The following IL17RB variants were observed in gnomAD, a reference collection of about 807,000 sequenced individuals.
IL17RB encodes the protein interleukin-17 receptor B.
In IL17RB, 36 loss-of-function variants were observed where a neutral mutation model predicts 43.9. That is an observed-to-expected ratio of 0.82 (90% confidence interval 0.63 to 1.08). IL17RB has a LOEUF of 1.08. Ranked by LOEUF, IL17RB falls within the 50% of genes least tolerant of loss-of-function variation. The pLI is 0.00. For missense variants in IL17RB, 613 were observed against 613.6 expected (o/e 1.00, Z 0.01); for synonymous variants, 225 against 225.4 (o/e 1.00, Z 0.02).
At chr3:53,864,124 A>G (rs917651576) in intron 10 of IL17RB, among the ~76,000 whole-genome samples, 1 of 152,192 alleles carries the variant, frequency 6.6e-6, no homozygotes, top group Non-Finnish European at 1.5e-5. Flanking sequence ...CACCTGGCCA[A>G]CAAAGTATCT....
intron 2 of IL17RB, 138 bp from the exon 3 acceptor site, chr3:53,849,517 A>C: frequency 1.6e-6 from 1 of 617,052 alleles, no homozygotes; most frequent in Non-Finnish European, 2.2e-6. Context: ...CTCTACAAAA[A>C]ACATTTTTTT....
chr3:53,852,249 G>C (rs3733072), intron 4 of IL17RB, 123 bp downstream of exon 4: 2 of 887,696 alleles, frequency 2.3e-6, no homozygotes, highest in Non-Finnish European at 3.5e-6. Context: ...TCAAGCGATC[G>C]TTCTACTTCA....
chr3:53,864,678 G>C, intron 10 of IL17RB, 68 bp from the exon 11 acceptor site: 1 of 1,173,980 alleles, frequency 8.5e-7, no homozygotes, highest in Non-Finnish European at 1.2e-6. Flanking sequence ...ATTTGTCAGG[G>C]ATGGTTTACA....
intron 9 of IL17RB, 71 bp downstream of exon 9, chr3:53,858,889 G>A: frequency 8.1e-7 from 1 of 1,241,562 alleles, no homozygotes; most frequent in Non-Finnish European, 1.2e-6. Flanking sequence ...CACTCAGTAT[G>A]TGGAAGGGTT....
At position 53,858,818 on chromosome 3, in the gene IL17RB, A is replaced by T. The variant is rs1056088555; in HGVS notation, c.847A>T (p.Asn283Tyr). 3 of 1,611,742 alleles carry T rather than the reference A, an allele frequency of 1.9e-6. No individual in the cohort carries two copies. The part of the protein sequence containing the change: ...QTGVPFPLDN[N>Y]KSKPGGWLPL... ...AGGCGTCCCTTTCCCTCTGGATAAC[A>T]GTAAGTGCCCAGTAACTTCAACCAG... is the stretch of plus-strand genomic sequence containing the variant. The change falls in exon 9 of 11, where the codon AAC (asparagine) becomes TAC (tyrosine). Residue 283 changes from asparagine (N) to tyrosine (Y), a missense_variant and splice_region_variant. Coordinates refer to ENST00000288167, the MANE Select transcript of IL17RB (RefSeq NM_018725.4).
At chr3:53,850,588 G>C (rs1699104917) in intron 3 of IL17RB, among the ~76,000 whole-genome samples, 1 of 151,538 alleles carries the variant, frequency 6.6e-6, no homozygotes, top group African/African-American at 2.4e-5. Flanking sequence ...TAGATTACTT[G>C]AGGTCAGGAG....
intron 5 of IL17RB, among the ~76,000 whole-genome samples, chr3:53,853,383 G>C (rs1274578514): frequency 1.3e-5 from 2 of 152,198 alleles, no homozygotes; most frequent in Non-Finnish European, 2.9e-5. Context: ...GGTCCTTCTA[G>C]AGCAATGCAC....
intron 1 of IL17RB, among the ~76,000 whole-genome samples, chr3:53,846,885 A>G (rs1379582152): frequency 1.3e-5 from 2 of 152,194 alleles, no homozygotes; most frequent in Admixed American, 6.5e-5. Context: ...TCTGTCATTT[A>G]TGCTCACCAA....
chr3:53,850,164 A>G (rs968436634), intron 3 of IL17RB, among the ~76,000 whole-genome samples: 11 of 152,382 alleles, frequency 7.2e-5, no homozygotes, highest in Admixed American at 2.6e-4. Context: ...TCCCATTTAC[A>G]GAAAGTGCCA....
chr3:53,862,899 TAC>T (rs1159999135), intron 10 of IL17RB, among the ~76,000 whole-genome samples: 5 of 152,162 alleles, frequency 3.3e-5, no homozygotes, highest in Non-Finnish European at 5.9e-5. Context: ...TCTGTAAAGT[TAC>T]ACTGAGGCGC....
intron 10 of IL17RB, among the ~76,000 whole-genome samples, chr3:53,862,193 T>G (rs976577187): frequency 6.6e-6 from 1 of 152,160 alleles, no homozygotes; most frequent in African/African-American, 2.4e-5. Flanking sequence ...CAGAGCCCCA[T>G]GAGTTCAACA....
In IL17RB at chr3:53,863,367, C is replaced by T. The variant is rs562188259; in HGVS notation, c.947-1379C>T. On this transcript the variant is annotated intron_variant, in intron 10 of 10. Coordinates refer to ENST00000288167, the MANE Select transcript of IL17RB (RefSeq NM_018725.4). ...GAGTATTTGAATACAGAAACCAGAGCATTTACATACTCAGCTCAAGGCAGA... is the reference window on the plus strand; with the variant it reads ...GAGTATTTGAATACAGAAACCAGAGTATTTACATACTCAGCTCAAGGCAGA... Among the ~76,000 whole-genome samples, 13 of 152,188 alleles carry T rather than the reference C, an allele frequency of 8.5e-5. No individual in the cohort carries two copies. In the South Asian group the frequency reaches 1.7e-3, roughly 19 times the overall value.
intron 3 of IL17RB, among the ~76,000 whole-genome samples, chr3:53,851,437 C>A (rs1387876311): frequency 6.6e-6 from 1 of 152,214 alleles, no homozygotes; most frequent in Non-Finnish European, 1.5e-5. Context: ...AGGGTTTGGG[C>A]CCTTACCTGG....
Position 53,855,331 on chromosome 3 carries a change from T to A in IL17RB, c.519T>A (p.Cys173Ter). 6.2e-7 allele frequency: 1 copy of A among 1,606,120 alleles called. No homozygotes were observed. Among genetic ancestry groups the A allele is most frequent in the Non-Finnish European group, 8.5e-7 (1 of 1,173,706 alleles). Residue 173 changes from cysteine (C) to a stop codon, truncating the protein, a stop_gained, in exon 6 of 11, where the codon TGT (cysteine) becomes TGA (stop). Transcript: ENST00000288167. LOFTEE classifies it high-confidence loss of function. Reference sequence around the variant, plus strand: ...ACATAATGAAATATAAAAAAAAGTGTGTCAAGGCCGGTAAGTAAATACGGC... The same window carrying A: ...ACATAATGAAATATAAAAAAAAGTGAGTCAAGGCCGGTAAGTAAATACGGC... The part of the protein sequence containing the change: ...LDHIMKYKKK[C>*]VKAGSLWDPN...
At chr3:53,857,723 G>A (rs761738130) in intron 8 of IL17RB, 33 bp downstream of exon 8, 22 of 1,563,218 alleles carry the variant, frequency 1.4e-5, no homozygotes, top group Non-Finnish European at 1.9e-5. Flanking sequence ...GGGGAGGGAA[G>A]GGACATAGAA....
intron 5 of IL17RB, among the ~76,000 whole-genome samples, chr3:53,853,519 TC>T (rs1282788212): frequency 6.6e-6 from 1 of 152,242 alleles, no homozygotes; most frequent in Non-Finnish European, 1.5e-5. Flanking sequence ...CCCCAAGCTG[TC>T]CATGAGAGGC....
At chr3:53,852,380 C>G (rs949292347) in intron 4 of IL17RB, among the ~76,000 whole-genome samples, 2 of 152,120 alleles carry the variant, frequency 1.3e-5, no homozygotes, top group African/African-American at 4.8e-5. Context: ...AGCGATCTGC[C>G]TGCCTCAGCT....
At chr3:53,848,345 G>C (rs781670231) in intron 1 of IL17RB, among the ~76,000 whole-genome samples, 2 of 152,146 alleles carry the variant, frequency 1.3e-5, no homozygotes, top group Admixed American at 6.5e-5. Flanking sequence ...GCCTCACATC[G>C]GTCCCAAGTC....
chr3:53,852,832 G>T, intron 4 of IL17RB, 39 bp from the exon 5 acceptor site: 1 of 1,605,276 alleles, frequency 6.2e-7, no homozygotes, highest in Admixed American at 1.7e-5. Context: ...CTGTACTGCA[G>T]TGTTTTGGGA....
Sources: allele counts gnomAD v4.1 joint callset (sites outside exome capture counted in the v4.1 genomes callset), GRCh38; gene constraint gnomAD v4.1.1; transcripts MANE v1.5; gene names NCBI Gene and HGNC (gene_info 2026-07-23, HGNC 2026-07-21).